Variants in FSTL4 observed in about 807,000 individuals in gnomAD.
FSTL4 encodes the protein follistatin-related protein 4.
A neutral mutation model predicts 78.2 loss-of-function variants in FSTL4; 28 were observed. The ratio of observed to expected loss-of-function variants is 0.36; its 90% CI spans 0.27 to 0.49. The LOEUF is 0.49. Ranked by LOEUF, FSTL4 falls within the 20% of genes least tolerant of loss-of-function variation. The pLI, the probability that FSTL4 is intolerant of heterozygous loss-of-function variation, is 0.98. For synonymous variants in FSTL4, 422 were observed against 440.5 expected (o/e 0.96, Z 0.53); for missense variants, 922 against 1,084.9 (o/e 0.85, Z 2.11).
intron 2 of FSTL4, among the ~76,000 whole-genome samples, chr5:133,589,426 C>A (rs1351030734): frequency 2.6e-5 from 4 of 152,124 alleles, no homozygotes; most frequent in African/African-American, 9.7e-5. Flanking sequence ...TAGTCCTCCA[C>A]CCACAGACAC....
intron 3 of FSTL4, among the ~76,000 whole-genome samples, chr5:133,516,074 A>G (rs975870577): frequency 6.6e-6 from 1 of 152,192 alleles, no homozygotes; most frequent in Admixed American, 6.5e-5. Flanking sequence ...ATGACCAAGG[A>G]GGACTTATTC....
the FSTL4 span, among the ~76,000 whole-genome samples, chr5:133,777,939 G>A: frequency 6.6e-6 from 1 of 152,366 alleles, no homozygotes; most frequent in South Asian, 2.1e-4. Flanking sequence ...CTTAGTTGAA[G>A]TTTTGGATAT....
the FSTL4 span, among the ~76,000 whole-genome samples, chr5:133,648,188 A>G: frequency 6.6e-6 from 1 of 152,236 alleles, no homozygotes; most frequent in African/African-American, 2.4e-5. Flanking sequence ...GAAGAAAAAT[A>G]AAGTACAAAC....
chr5:133,679,944 C>A, the FSTL4 span, among the ~76,000 whole-genome samples: 1 of 152,194 alleles, frequency 6.6e-6, no homozygotes, highest in Non-Finnish European at 1.5e-5. Flanking sequence ...ATACTACCCA[C>A]AAACAGATAG....
At chr5:133,284,921 T>C (rs1753095341) in intron 6 of FSTL4, among the ~76,000 whole-genome samples, 1 of 152,114 alleles carries the variant, frequency 6.6e-6, no homozygotes, top group Non-Finnish European at 1.5e-5. Context: ...GTCAGGGTGC[T>C]GTGAAAGGAC....
At chr5:133,647,401 A>T in the FSTL4 span, among the ~76,000 whole-genome samples, 1 of 152,162 alleles carries the variant, frequency 6.6e-6, no homozygotes, top group Non-Finnish European at 1.5e-5. Context: ...AAATACCCAC[A>T]TTATCTAAAC....
chr5:133,792,171 A>G, the FSTL4 span, among the ~76,000 whole-genome samples: 1 of 152,174 alleles, frequency 6.6e-6, no homozygotes, highest in East Asian at 1.9e-4. Flanking sequence ...TGTCTCCATG[A>G]TGCAGCTGAC....
chr5:133,701,742 C>T, the FSTL4 span, among the ~76,000 whole-genome samples: 1 of 152,302 alleles, frequency 6.6e-6, no homozygotes, highest in Non-Finnish European at 1.5e-5. Flanking sequence ...GCATAGGGTT[C>T]CTTACAAAAT....
intron 3 of FSTL4, among the ~76,000 whole-genome samples, chr5:133,559,019 A>C (rs1759859066): frequency 6.6e-6 from 1 of 152,274 alleles, no homozygotes; most frequent in South Asian, 2.1e-4. Flanking sequence ...ACACAATCTT[A>C]AAATAATGAA....
chr5:133,296,295 A>C (rs1252753915), intron 6 of FSTL4, among the ~76,000 whole-genome samples: 1 of 152,244 alleles, frequency 6.6e-6, no homozygotes, highest in Non-Finnish European at 1.5e-5. Flanking sequence ...CATTAGCTGA[A>C]TTATTGCAAC....
chr5:133,486,792 T>C (rs1180051429), intron 3 of FSTL4, among the ~76,000 whole-genome samples: 1 of 152,150 alleles, frequency 6.6e-6, no homozygotes, highest in Non-Finnish European at 1.5e-5. Context: ...GAAGGAACTT[T>C]GAACCACACC....
Position 133,199,895 on chromosome 5 carries a change from T to C in FSTL4, c.1827-98A>G, listed in dbSNP as rs1750267146. Reference sequence around the variant, plus strand: ...CATCCTCTGCCTTTTCCCTTTATTATAATCCTTCAGTGATCTAATAGCCTA... The same window carrying C: ...CATCCTCTGCCTTTTCCCTTTATTACAATCCTTCAGTGATCTAATAGCCTA... On this transcript the variant is annotated intron_variant, in intron 15 of 15. Coordinates refer to ENST00000265342, the MANE Select transcript of FSTL4 (RefSeq NM_015082.2). The surrounding 1 kb of genome is among the most constrained non-coding windows in gnomAD (Gnocchi z 4.4). 1 of 645,850 alleles carries C rather than the reference T, an allele frequency of 1.5e-6. No homozygotes were observed. Among genetic ancestry groups the C allele is most frequent in the East Asian group, 2.7e-5 (1 of 36,392 alleles). The allele number at this position is 645,850 out of a possible 1,614,324, so 40.0% of individuals were successfully genotyped here.
chr5:133,604,301 A>G (rs1273726571), intron 1 of FSTL4, among the ~76,000 whole-genome samples: 1 of 152,204 alleles, frequency 6.6e-6, no homozygotes, highest in Non-Finnish European at 1.5e-5. Flanking sequence ...CGTTACATCT[A>G]TAAGAACAAA....
rs762473628 is a variant in FSTL4, at chr5:133,552,008, T to C, written c.160+15178A>G. Among the ~76,000 whole-genome samples the C allele has an allele frequency of 7.7e-4, 117 of 152,260 alleles. No individual in the cohort carries two copies. In the Middle Eastern group the frequency reaches 0.014, roughly 18 times the overall value. On this transcript the variant is annotated intron_variant, in intron 3 of 15. Coordinates refer to ENST00000265342, the MANE Select transcript of FSTL4 (RefSeq NM_015082.2). ...ACAAATATCAAAAAATAAGATAGAA[T>C]GATGGAAGATTTAACTGCCTAAAGC...
chr5:133,767,719 G>A, the FSTL4 span, among the ~76,000 whole-genome samples: 1 of 152,168 alleles, frequency 6.6e-6, no homozygotes, highest in Non-Finnish European at 1.5e-5. Flanking sequence ...AAGACAGGAG[G>A]GAACACATGT....
At chr5:133,583,238 C>T (rs1289024481) in intron 2 of FSTL4, 2 of 455,808 alleles carry the variant, frequency 4.4e-6, no homozygotes, top group Admixed American at 2.4e-5. Context: ...CAGTAACCAA[C>T]TTGGCTGCCA....
chr5:133,395,328 A>G (rs919608852), intron 4 of FSTL4, among the ~76,000 whole-genome samples: 2 of 152,146 alleles, frequency 1.3e-5, no homozygotes, highest in South Asian at 4.1e-4. Flanking sequence ...GAACAACTCC[A>G]GACGCGCCGC....
chr5:133,691,851 C>T, the FSTL4 span, among the ~76,000 whole-genome samples: 3,838 of 152,240 alleles, frequency 0.025, 158 homozygotes, highest in African/African-American at 0.088. Context: ...ATCTCAGTGA[C>T]GGCAGGGGAT....
chr5:133,475,249 G>T (rs1757905922), intron 3 of FSTL4, among the ~76,000 whole-genome samples: 1 of 152,182 alleles, frequency 6.6e-6, no homozygotes, highest in Non-Finnish European at 1.5e-5. Flanking sequence ...CCAATAGGTG[G>T]GAGAGAAGGG....
Sources: allele counts gnomAD v4.1 joint callset (sites outside exome capture counted in the v4.1 genomes callset), GRCh38; gene constraint gnomAD v4.1.1; non-coding constraint Gnocchi (gnomAD v3.1); transcripts MANE v1.5; gene names NCBI Gene and HGNC (gene_info 2026-07-23, HGNC 2026-07-21).